Variants in KATNAL1 observed in about 807,000 individuals in gnomAD.
The protein encoded by KATNAL1 is katanin p60 ATPase-containing subunit A-like 1.
In KATNAL1, 32 loss-of-function variants were observed where a neutral mutation model predicts 55.2. The observed-to-expected ratio is 0.58, with a 90% CI of 0.44 to 0.78. The LOEUF is 0.78. KATNAL1 is among the 30% of genes least tolerant of loss of function. The pLI is 0.00. For missense variants in KATNAL1, 466 were observed against 600.9 expected, an observed-to-expected ratio of 0.78 and a Z score of 2.35; for synonymous variants, 193 against 193.6, an observed-to-expected ratio of 1.00 and a Z score of 0.02.
chr13:30,209,409 T>C (rs1480060345), intron 10 of KATNAL1, among the ~76,000 whole-genome samples: 1 of 152,214 alleles, frequency 6.6e-6, no homozygotes, highest in Non-Finnish European at 1.5e-5. Flanking sequence ...GTAGGAACTA[T>C]TGCAACCTTA....
chr13:30,261,290 C>G (rs1879264742), intron 3 of KATNAL1, among the ~76,000 whole-genome samples: 1 of 151,894 alleles, frequency 6.6e-6, no homozygotes, highest in South Asian at 2.1e-4. Flanking sequence ...ACCATCGAGA[C>G]TAGGAAGAAA....
At position 30,208,733 on chromosome 13, in the gene KATNAL1, G is replaced by T. The variant is rs775944233; in HGVS notation, c.1280C>A (p.Ala427Asp). Residue 427 changes from alanine to aspartate, a missense_variant, in exon 11 of 11, where the codon GCC becomes GAC. Ala to Asp is a moderately radical substitution (Grantham distance 126). Coordinates refer to ENST00000380615, the MANE Select transcript of KATNAL1 (RefSeq NM_032116.5). ...ACGCCGTCTCATTGCCATTAAAGAG[G>T]CATCCCTAAAAATATACCAAAATCA... is the stretch of plus-strand genomic sequence containing the variant. ...GADITNVCRDASLMAMRRRIN... is the reference protein window; with the variant it reads ...GADITNVCRDDSLMAMRRRIN... 1.6e-5 allele frequency: 25 copies of T among 1,602,720 alleles called. No individual in the cohort carries two copies. Among genetic ancestry groups the T allele is most frequent in the South Asian group, 1.1e-5 (1 of 88,310 alleles).
intron 3 of KATNAL1, among the ~76,000 whole-genome samples, chr13:30,259,883 G>T (rs1224609273): frequency 6.6e-6 from 1 of 152,214 alleles, no homozygotes; most frequent in African/African-American, 2.4e-5. Flanking sequence ...AACTCAAGGA[G>T]GCCTGCCTGC....
intron 8 of KATNAL1, 144 bp from the exon 9 acceptor site, chr13:30,227,690 C>T (rs1875646147): frequency 1.6e-6 from 1 of 607,044 alleles, no homozygotes; most frequent in East Asian, 2.9e-5. Flanking sequence ...CAAAACCAGA[C>T]ACACTAACAG....
At chr13:30,257,761 A>C (rs909629725) in intron 3 of KATNAL1, among the ~76,000 whole-genome samples, 2 of 151,276 alleles carry the variant, frequency 1.3e-5, no homozygotes, top group African/African-American at 2.4e-5. Context: ...ATGGGCTCCT[A>C]AATAGTCTGA....
intron 2 of KATNAL1, 65 bp downstream of exon 2, chr13:30,283,551 C>CAT (rs1452591712): frequency 2.5e-5 from 36 of 1,444,736 alleles, no homozygotes; most frequent in Non-Finnish European, 3.0e-5. Flanking sequence ...TTTTCCAACT[C>CAT]TAATCTCTCA....
At position 30,202,964 on chromosome 13, in the gene KATNAL1, TG is replaced by T. The variant is rs2138146795; in HGVS notation, c.*5575del. 1 of 152,330 alleles carries T rather than the reference TG, an allele frequency of 6.6e-6. No individual in the cohort carries two copies. Among genetic ancestry groups the T allele is most frequent in the East Asian group, 1.9e-4 (1 of 5,194 alleles). 9.4% of individuals were successfully genotyped at this position (152,330 alleles called of 1,614,324 possible). Reference sequence around the variant, plus strand: ...CAGTAAAAATGTGACAAAAATGTGATGTTTTTCCAGGTTTGTGTGTTTTCAT... The same window carrying T: ...CAGTAAAAATGTGACAAAAATGTGATTTTTTCCAGGTTTGTGTGTTTTCAT... On this transcript the variant is annotated 3_prime_UTR_variant, in exon 11 of 11. Transcript: ENST00000380615.
chr13:30,258,316 A>G (rs918321915), intron 3 of KATNAL1, among the ~76,000 whole-genome samples: 1 of 152,224 alleles, frequency 6.6e-6, no homozygotes, highest in Non-Finnish European at 1.5e-5. Context: ...TTTCAAAGCT[A>G]TATTAAATAT....
intron 3 of KATNAL1, among the ~76,000 whole-genome samples, chr13:30,269,963 A>G (rs560487072): frequency 3.6e-4 from 39 of 107,804 alleles, no homozygotes; most frequent in Middle Eastern, 8.9e-3. Flanking sequence ...CTGCCCGGCC[A>G]CCCCTACTGG....
At chr13:30,274,907 G>GCGCGCGCGCGCGCGCGCGCGCACACACA (rs869107567) in intron 3 of KATNAL1, among the ~76,000 whole-genome samples, 8 of 105,386 alleles carry the variant, frequency 7.6e-5, no homozygotes, top group Admixed American at 1.8e-4. Context: ...GCGCGCGCGC[G>GCGCGCGCGCGCGCGCGCGCGCACACACA]CACACACACA....
At chr13:30,260,326 C>G (rs1043608510) in intron 3 of KATNAL1, among the ~76,000 whole-genome samples, 12 of 152,178 alleles carry the variant, frequency 7.9e-5, no homozygotes, top group Non-Finnish European at 1.6e-4. Context: ...CTCTCCTCCT[C>G]CAAAGGAATG....
At chr13:30,300,139 A>G (rs140430279) in intron 1 of KATNAL1, among the ~76,000 whole-genome samples, 127 of 152,324 alleles carry the variant, frequency 8.3e-4, no homozygotes, top group African/African-American at 2.9e-3. Flanking sequence ...AAATCATAAT[A>G]TTTATCATTC....
At chr13:30,256,811 G>C (rs771680008) in intron 3 of KATNAL1, among the ~76,000 whole-genome samples, 2 of 152,196 alleles carry the variant, frequency 1.3e-5, no homozygotes, top group Non-Finnish European at 2.9e-5. Context: ...AAAACCGTAT[G>C]TCTATCTATG....
intron 3 of KATNAL1, among the ~76,000 whole-genome samples, chr13:30,271,897 AAAAC>A (rs1409020759): frequency 5.3e-5 from 8 of 151,372 alleles, no homozygotes; most frequent in Non-Finnish European, 1.2e-4. Flanking sequence ...AAAAAAAAAA[AAAAC>A]AGAGTTGTGT....
Position 30,203,081 on chromosome 13 carries a change from C to CT in KATNAL1, c.*5458dup, listed in dbSNP as rs1462340794. 6.6e-6 allele frequency: 1 copy of CT among 152,112 alleles called. No homozygotes were observed. The highest frequency in any genetic ancestry group is 1.9e-4 in the East Asian group (1 of 5,200). The allele number at this position is 152,112 out of a possible 1,614,324, so 9.4% of individuals were successfully genotyped here. On this transcript the variant is annotated 3_prime_UTR_variant, in exon 11 of 11. Coordinates refer to ENST00000380615, the MANE Select transcript of KATNAL1 (RefSeq NM_032116.5). ...CAGGTTAGTTTGTATTTACAAAACTCTAAGAAAATAGATGTGTGTTATGTT... is the reference window on the plus strand; with the variant it reads ...CAGGTTAGTTTGTATTTACAAAACTCTTAAGAAAATAGATGTGTGTTATGTT...
chr13:30,240,708 C>A (rs1877181735), intron 5 of KATNAL1, 143 bp from the exon 6 acceptor site: 1 of 685,246 alleles, frequency 1.5e-6, no homozygotes, highest in East Asian at 2.7e-5. Flanking sequence ...ATAAAAAGAT[C>A]AGTGAAAACA....
At chr13:30,274,705 G>A (rs1880621509) in intron 3 of KATNAL1, among the ~76,000 whole-genome samples, 1 of 152,110 alleles carries the variant, frequency 6.6e-6, no homozygotes, top group African/African-American at 2.4e-5. Flanking sequence ...TTATGATCCA[G>A]CAATCCCACT....
At chr13:30,300,446 A>G (rs911303518) in intron 1 of KATNAL1, among the ~76,000 whole-genome samples, 1 of 152,210 alleles carries the variant, frequency 6.6e-6, no homozygotes, top group Non-Finnish European at 1.5e-5. Flanking sequence ...AAGCAAAACA[A>G]CAAATCAAGT....
intron 9 of KATNAL1, among the ~76,000 whole-genome samples, chr13:30,222,565 G>A (rs1874986873): frequency 6.6e-6 from 1 of 152,152 alleles, no homozygotes; most frequent in African/African-American, 2.4e-5. Context: ...GCTCTCACAT[G>A]GCTGGCACGA....
Sources: gnomAD v4.1 joint callset for allele counts (sites outside exome capture counted in the v4.1 genomes callset) on GRCh38, gnomAD v4.1.1 for gene constraint, MANE v1.5 for transcripts, NCBI Gene and HGNC (gene_info 2026-07-23, HGNC 2026-07-21) for gene names.